The following FAM167A variants were observed in gnomAD, a reference collection of about 807,000 sequenced individuals.
FAM167A encodes family with sequence similarity 167 member A, also known as protein FAM167A.
FAM167A carries 23 observed loss-of-function variants against 14.9 expected under a neutral mutation model. The observed-to-expected ratio is 1.55, with a 90% CI of 1.11 to 2.19. The LOEUF (loss-of-function observed/expected upper bound fraction) is 2.19. Among genes scored for constraint, FAM167A ranks in the 30% most tolerant of loss-of-function variants. FAM167A has a pLI of 0.00. For missense variants in FAM167A, 401 were observed against 281.5 expected (o/e 1.42, Z -3.04); for synonymous variants, 174 against 117.7 (o/e 1.48, Z -3.10).
At chr8:11,452,347 T>G (rs992194568) in intron 1 of FAM167A, among the ~76,000 whole-genome samples, 1 of 152,202 alleles carries the variant, frequency 6.6e-6, no homozygotes, top group Non-Finnish European at 1.5e-5. Flanking sequence ...ACATGCTGGG[T>G]CATGAGACCA....
Position 11,438,115 on chromosome 8 carries a change from C to G in FAM167A, c.381+5916G>C, listed in dbSNP as rs776034473. 2.2e-4 allele frequency: 100 copies of G among 456,512 alleles called. 1 individual carries two copies. The highest frequency in any genetic ancestry group is 3.7e-4 in the Non-Finnish European group (83 of 226,940). The allele number at this position is 456,512 out of a possible 1,614,324, so 28.3% of individuals were successfully genotyped here. ...CACCCCAGCACGGAAGCCAGGCGGC[C>G]AGTGGAGGCCGGTAGTGCTGAATGG... is the stretch of plus-strand genomic sequence containing the variant. On this transcript the variant is annotated intron_variant, in intron 2 of 2. Transcript: ENST00000284486.
At chr8:11,464,170 T>G (rs1807658343) in intron 1 of FAM167A, among the ~76,000 whole-genome samples, 1 of 152,128 alleles carries the variant, frequency 6.6e-6, no homozygotes, top group Non-Finnish European at 1.5e-5. Context: ...CAGCCCCCCT[T>G]GAACTGCTCT....
Position 11,422,686 on chromosome 8 carries a change from ACT to A in FAM167A, c.*1685_*1686del, listed in dbSNP as rs1804840440. ...AGAGATCATTCATTTGCATTGTCCTACTCTCAGCCCACAAAAGAAAAGCAACC... is the reference window on the plus strand; with the variant it reads ...AGAGATCATTCATTTGCATTGTCCTACTCAGCCCACAAAAGAAAAGCAACC... On this transcript the variant is annotated 3_prime_UTR_variant, in exon 3 of 3. Coordinates refer to ENST00000284486, the MANE Select transcript of FAM167A (RefSeq NM_053279.3). 1 of 152,076 alleles carries A rather than the reference ACT, an allele frequency of 6.6e-6. No individual in the cohort carries two copies. The highest frequency in any genetic ancestry group is 2.4e-5 in the African/African-American group (1 of 41,392). 9.4% of individuals were successfully genotyped at this position (152,076 alleles called of 1,614,324 possible). A position where few individuals can be genotyped will look rare whatever the true frequency, so the allele number is the denominator to read the frequency against.
chr8:11,433,247 C>T (rs1208745992), intron 2 of FAM167A, among the ~76,000 whole-genome samples: 3 of 151,996 alleles, frequency 2.0e-5, no homozygotes, highest in African/African-American at 7.3e-5. Context: ...ATTGTCCGAC[C>T]ATTGGAAGCA....
At chr8:11,446,042 G>C (rs1425922037) in intron 1 of FAM167A, among the ~76,000 whole-genome samples, 1 of 147,208 alleles carries the variant, frequency 6.8e-6, no homozygotes, top group African/African-American at 2.5e-5. Context: ...AAAAAAGGAA[G>C]GGAATAGCCA....
chr8:11,441,549 G>A (rs982334980), intron 2 of FAM167A, among the ~76,000 whole-genome samples: 5 of 152,298 alleles, frequency 3.3e-5, no homozygotes, highest in African/African-American at 1.2e-4. Flanking sequence ...CTTGGTCGCT[G>A]CTCTTTGAGC....
At chr8:11,464,951 G>A (rs902923514) in intron 1 of FAM167A, among the ~76,000 whole-genome samples, 2 of 152,148 alleles carry the variant, frequency 1.3e-5, no homozygotes, top group Non-Finnish European at 2.9e-5. Context: ...GGCGGGGACT[G>A]GCAATTTAGT....
intron 1 of FAM167A, among the ~76,000 whole-genome samples, chr8:11,466,028 C>T (rs1807751960): frequency 6.6e-6 from 1 of 152,128 alleles, no homozygotes; most frequent in African/African-American, 2.4e-5. Flanking sequence ...TCCCCCCCGC[C>T]GTCTGTGCTC....
intron 1 of FAM167A, among the ~76,000 whole-genome samples, chr8:11,454,718 C>T (rs1160546573): frequency 2.6e-5 from 4 of 152,332 alleles, no homozygotes; most frequent in East Asian, 3.9e-4. Flanking sequence ...GCTCCACAGT[C>T]GGCCTAGGGA....
At chr8:11,459,859 GCACCCACCACCA>G (rs1247591226) in intron 1 of FAM167A, among the ~76,000 whole-genome samples, 3 of 152,108 alleles carry the variant, frequency 2.0e-5, no homozygotes, top group Non-Finnish European at 4.4e-5. Context: ...GGGATTACAG[GCACCCACCACCA>G]CACCCACCAC....
At position 11,461,864 on chromosome 8, in the gene FAM167A, C is replaced by CG. The variant is rs1807552145; in HGVS notation, c.-398+4761dup. Among the ~76,000 whole-genome samples the CG allele has an allele frequency of 3.3e-5, 5 of 152,242 alleles. No homozygotes were observed. In the South Asian group the frequency reaches 1.0e-3, roughly 31 times the overall value. Reference sequence around the variant, plus strand: ...CTAAAAGGCTTCGTAAGGCCTTTCACGGTGTTCCCTGTGCTTATGCCAACT... The same window carrying CG: ...CTAAAAGGCTTCGTAAGGCCTTTCACGGGTGTTCCCTGTGCTTATGCCAACT... On this transcript the variant is annotated intron_variant, in intron 1 of 2. Transcript: ENST00000284486.
intron 1 of FAM167A, among the ~76,000 whole-genome samples, chr8:11,463,986 C>T (rs567647740): frequency 1.1e-4 from 16 of 152,336 alleles, no homozygotes; most frequent in Non-Finnish European, 1.5e-4. Flanking sequence ...AGGAGCCTGA[C>T]GCTAGACAGC....
chr8:11,469,881 A>AAAATAAAT (rs140444831), upstream of FAM167A, among the ~76,000 whole-genome samples: 1,332 of 122,556 alleles, frequency 0.011, 9 homozygotes, highest in African/African-American at 0.023. Flanking sequence ...CCCTGTCTCA[A>AAAATAAAT]AAATAAATAA....
Position 11,421,683 on chromosome 8 carries a change from C to A in FAM167A, c.*2690G>T, listed in dbSNP as rs1201725928. The A allele has an allele frequency of 5.0e-6, 2 of 398,920 alleles. No homozygotes were observed. The highest frequency in any genetic ancestry group is 8.8e-6 in the Non-Finnish European group (2 of 226,062). 24.7% of individuals were successfully genotyped at this position (398,920 alleles called of 1,614,324 possible). A position where few individuals can be genotyped will look rare whatever the true frequency, so the allele number is the denominator to read the frequency against. ...GCCCTCCAGGCCTCTTTGATAGCTACTGAGCCCCTGAAGGCATCAAGACAT... is the reference window on the plus strand; with the variant it reads ...GCCCTCCAGGCCTCTTTGATAGCTAATGAGCCCCTGAAGGCATCAAGACAT... On this transcript the variant is annotated 3_prime_UTR_variant, in exon 3 of 3. Coordinates refer to ENST00000284486, the MANE Select transcript of FAM167A (RefSeq NM_053279.3).
intron 1 of FAM167A, among the ~76,000 whole-genome samples, chr8:11,455,139 C>CGT (rs34859056): frequency 0.097 from 13,950 of 143,452 alleles, 1,207 homozygotes; most frequent in Middle Eastern, 0.23. Context: ...TGTGTGTGTG[C>CGT]GTGTGTGTGT....
At chr8:11,451,071 G>A (rs180839316) in intron 1 of FAM167A, among the ~76,000 whole-genome samples, 2 of 152,380 alleles carry the variant, frequency 1.3e-5, no homozygotes, top group Admixed American at 6.5e-5. Flanking sequence ...TCTGGAAAGT[G>A]CATCCCCCTT....
intron 2 of FAM167A, among the ~76,000 whole-genome samples, chr8:11,430,275 G>T (rs1345797150): frequency 1.3e-5 from 2 of 152,372 alleles, no homozygotes; most frequent in South Asian, 2.1e-4. Flanking sequence ...TTGGTCGGGG[G>T]CTGTCCAAGC....
At chr8:11,471,261 G>A (rs568226271), upstream of FAM167A, among the ~76,000 whole-genome samples, 17 of 152,306 alleles carry the variant, frequency 1.1e-4, no homozygotes, top group East Asian at 1.5e-3. Context: ...GTTGCTCAGC[G>A]GCCGAGGTGA....
Position 11,424,009 on chromosome 8 carries a change from T to G in FAM167A, c.*364A>C. 4.3e-6 allele frequency: 1 copy of G among 230,974 alleles called. No individual in the cohort carries two copies. The allele number at this position is 230,974 out of a possible 1,614,324, so 14.3% of individuals were successfully genotyped here. On this transcript the variant is annotated 3_prime_UTR_variant, in exon 3 of 3. Coordinates refer to ENST00000284486, the MANE Select transcript of FAM167A (RefSeq NM_053279.3). ...CAGCCTTCTGCAAAAATGACAGCTT[T>G]GTTGGGGGGCCTCCCTTTGGGAATC...
Sources: gnomAD v4.1 joint callset for allele counts (sites outside exome capture counted in the v4.1 genomes callset) on GRCh38, gnomAD v4.1.1 for gene constraint, MANE v1.5 for transcripts, NCBI Gene and HGNC (gene_info 2026-07-23, HGNC 2026-07-21) for gene names.